The following CSMD2 variants were observed in gnomAD, a reference collection of about 807,000 sequenced individuals.
CSMD2 encodes CUB and Sushi multiple domains 2, also known as CUB and sushi domain-containing protein 2.
Under a neutral mutation model 398.5 loss-of-function variants are expected in CSMD2, and 130 were observed. The observed-to-expected ratio is 0.33, with a 90% confidence interval of 0.28 to 0.38. The LOEUF (loss-of-function observed/expected upper bound fraction) is 0.38, where lower values mean the gene tolerates loss of function less well. CSMD2 is among the 10% of genes least tolerant of loss of function. The pLI, the probability that CSMD2 is intolerant of heterozygous loss-of-function variation, is 1.00. For missense variants in CSMD2, 3,829 were observed against 4,764.9 expected (o/e 0.80, Z 5.78); for synonymous variants, 1,828 against 1,908.5 (o/e 0.96, Z 1.10).
chr1:34,148,950 T>C (rs1237445613), intron 1 of CSMD2, among the ~76,000 whole-genome samples: 1 of 152,136 alleles, frequency 6.6e-6, no homozygotes, highest in Admixed American at 6.5e-5. Context: ...GAACCACACC[T>C]CAGAAGCCAA....
At chr1:33,827,179 C>T (rs1474240090) in intron 6 of CSMD2, among the ~76,000 whole-genome samples, 1 of 152,166 alleles carries the variant, frequency 6.6e-6, no homozygotes, top group African/African-American at 2.4e-5. Context: ...GCACAAGAAC[C>T]AGAGGGATCC....
At chr1:33,860,631 C>T (rs1216237666) in intron 5 of CSMD2, 2 of 152,174 alleles carry the variant, frequency 1.3e-5, no homozygotes, top group African/African-American at 4.8e-5. Context: ...ATCCTCATGG[C>T]TTTATTATCA....
At chr1:34,151,054 C>G (rs1487685176) in intron 1 of CSMD2, among the ~76,000 whole-genome samples, 2 of 152,196 alleles carry the variant, frequency 1.3e-5, no homozygotes, top group African/African-American at 4.8e-5. Context: ...TCTAGCTGCT[C>G]CCTCGAAGAT....
At chr1:33,625,844 G>A (rs12025986) in intron 33 of CSMD2, among the ~76,000 whole-genome samples, 9,412 of 152,230 alleles carry the variant, frequency 0.062, 495 homozygotes, top group East Asian at 0.21. Context: ...ATGTTCTCCT[G>A]GGCAAGCAGA....
chr1:33,841,190 G>T (rs1660812778), intron 6 of CSMD2, among the ~76,000 whole-genome samples: 1 of 152,192 alleles, frequency 6.6e-6, no homozygotes, highest in South Asian at 2.1e-4. Flanking sequence ...GGAAAGGCAG[G>T]CTGGGATCTG....
chr1:33,631,310 C>A (rs1028827620), intron 32 of CSMD2, among the ~76,000 whole-genome samples: 1 of 151,604 alleles, frequency 6.6e-6, no homozygotes, highest in Non-Finnish European at 1.5e-5. Context: ...TTACTAAAAG[C>A]TAAAATATCA....
chr1:34,040,706 G>A (rs888788365), intron 2 of CSMD2, among the ~76,000 whole-genome samples: 1 of 152,184 alleles, frequency 6.6e-6, no homozygotes, highest in African/African-American at 2.4e-5. Flanking sequence ...TTAGTGACAT[G>A]GCAAATCCCC....
intron 65 of CSMD2, 109 bp downstream of exon 65, chr1:33,527,087 A>T: frequency 1.0e-6 from 1 of 987,424 alleles, no homozygotes; most frequent in Non-Finnish European, 1.6e-6. Context: ...GATAGTTTTC[A>T]TGCCCTTCCT....
chr1:33,605,281 C>A lies in CSMD2; in HGVS notation c.6532+1G>T. 4 of 1,613,794 alleles carry A rather than the reference C, an allele frequency of 2.5e-6. No homozygotes were observed. Among genetic ancestry groups the A allele is most frequent in the Non-Finnish European group, 3.4e-6 (4 of 1,179,834 alleles). Reference sequence around the variant, plus strand: ...CTGCTGGGGATGAGGGAGCGACATACCTTCACACTTGGGCAGGGGGTGGTC... The same window carrying A: ...CTGCTGGGGATGAGGGAGCGACATAACTTCACACTTGGGCAGGGGGTGGTC... On this transcript the variant is annotated splice_donor_variant, in intron 42 of 70. Coordinates refer to ENST00000373381, the MANE Select transcript of CSMD2 (RefSeq NM_001281956.2). LOFTEE classifies it high-confidence loss of function.
chr1:33,807,869 C>T (rs1656402229), intron 10 of CSMD2, among the ~76,000 whole-genome samples: 1 of 151,870 alleles, frequency 6.6e-6, no homozygotes, highest in Admixed American at 6.6e-5. Context: ...TTTGAAAATC[C>T]AGCTATACAC....
chr1:33,912,236 A>G (rs1643484968), intron 5 of CSMD2, among the ~76,000 whole-genome samples: 1 of 152,034 alleles, frequency 6.6e-6, no homozygotes, highest in African/African-American at 2.4e-5. Context: ...TGAAATAGAT[A>G]AAAAAAGAAA....
chr1:33,740,058 C>T (rs1647005730), intron 14 of CSMD2, among the ~76,000 whole-genome samples: 1 of 152,174 alleles, frequency 6.6e-6, no homozygotes, highest in African/African-American at 2.4e-5. Context: ...TCATCCTTCA[C>T]TTGCAGGGTC....
At chr1:33,864,249 T>C in intron 5 of CSMD2, 1 of 1,613,398 alleles carries the variant, frequency 6.2e-7, no homozygotes, top group South Asian at 1.1e-5. Context: ...CGTTCACTTT[T>C]TGCTGAATTA....
At chr1:33,698,300 T>C (rs1645489657) in intron 24 of CSMD2, among the ~76,000 whole-genome samples, 1 of 152,192 alleles carries the variant, frequency 6.6e-6, no homozygotes, top group Non-Finnish European at 1.5e-5. Flanking sequence ...TCTTTTGACA[T>C]TCCTCCAGTA....
At chr1:33,773,438 G>A (rs755336188) in intron 12 of CSMD2, among the ~76,000 whole-genome samples, 1 of 152,230 alleles carries the variant, frequency 6.6e-6, no homozygotes, top group Non-Finnish European at 1.5e-5. Flanking sequence ...AGTCAACAGT[G>A]GTGAGACAGA....
chr1:34,124,477 G>A (rs188208051), intron 1 of CSMD2, among the ~76,000 whole-genome samples: 13 of 152,196 alleles, frequency 8.5e-5, no homozygotes, highest in South Asian at 2.1e-4. Context: ...TCATGCCATC[G>A]GCTAGTCACC....
intron 5 of CSMD2, chr1:33,863,367 C>A (rs1639690417): frequency 6.6e-6 from 1 of 152,184 alleles, no homozygotes. Context: ...GGGGACCCCT[C>A]ACATGAGAGT....
intron 53 of CSMD2, among the ~76,000 whole-genome samples, chr1:33,565,994 C>G (rs1659022063): frequency 1.3e-5 from 2 of 150,170 alleles, no homozygotes; most frequent in South Asian, 4.2e-4. Flanking sequence ...GGCAAAAAAC[C>G]AAGGGAATTA....
At chr1:34,144,843 T>C (rs1045975980) in intron 1 of CSMD2, among the ~76,000 whole-genome samples, 1 of 152,228 alleles carries the variant, frequency 6.6e-6, no homozygotes, top group Non-Finnish European at 1.5e-5. Flanking sequence ...GTTTGTGAGC[T>C]ATTTTCAATA....
Sources: allele counts gnomAD v4.1 joint callset (sites outside exome capture counted in the v4.1 genomes callset), GRCh38; gene constraint gnomAD v4.1.1; transcripts MANE v1.5; gene names NCBI Gene and HGNC (gene_info 2026-07-23, HGNC 2026-07-21).